ITGB7: variants seen among roughly 807,000 people sequenced by gnomAD.
The protein encoded by ITGB7 is integrin beta-7.
ITGB7 carries 55 observed loss-of-function variants against 83.4 expected under a neutral mutation model. The observed-to-expected ratio is 0.66, with a 90% CI of 0.53 to 0.83. The LOEUF is 0.83. ITGB7 is among the 40% of genes least tolerant of loss of function. The pLI is 0.00. For synonymous variants in ITGB7, 454 were observed against 423.6 expected, an observed-to-expected ratio of 1.07 and a Z score of -0.88; for missense variants, 921 against 1,046.7, an observed-to-expected ratio of 0.88 and a Z score of 1.66.
In ITGB7 at chr12:53,193,870, T is replaced by A. The variant is rs753827751; in HGVS notation, c.1340A>T (p.His447Leu). 1.2e-6 allele frequency: 2 copies of A among 1,613,518 alleles called. No individual in the cohort carries two copies. Among genetic ancestry groups the A allele is most frequent in the Admixed American group, 3.3e-5 (2 of 59,886 alleles). Residue 447 changes from histidine to leucine, a missense_variant, in exon 11 of 16, where the codon CAC becomes CTC. Coordinates refer to ENST00000267082, the MANE Select transcript of ITGB7 (RefSeq NM_000889.3). ...CAGGAGATGGGGCTCTGGGAGGCAGTGGGTGGCTTGGAGAGAAACCCAGAA... is the reference window on the plus strand; with the variant it reads ...CAGGAGATGGGGCTCTGGGAGGCAGAGGGTGGCTTGGAGAGAAACCCAGAA... ...VTFWVSLQAT[H>L]CLPEPHLLRL...
intron 6 of ITGB7, 156 bp from the exon 7 acceptor site, chr12:53,196,355 C>A: frequency 2.0e-6 from 2 of 1,023,580 alleles, no homozygotes; most frequent in South Asian, 3.3e-5. Flanking sequence ...TCTCTCCAGC[C>A]CCCTAAAGAA....
chr12:53,196,808 A>G lies in ITGB7; in HGVS notation c.587T>C (p.Phe196Ser), dbSNP rs756443954. The G allele has an allele frequency of 6.3e-7, 1 of 1,596,340 alleles. No individual in the cohort carries two copies. The highest frequency in any genetic ancestry group is 1.1e-5 in the South Asian group (1 of 90,408). The change falls in exon 6 of 16, where the codon TTT becomes TCT. Residue 196 changes from phenylalanine to serine, a missense_variant. By Grantham distance (155) the Phe-to-Ser change is radical. Coordinates refer to ENST00000267082, the MANE Select transcript of ITGB7 (RefSeq NM_000889.3). ...THSVRIGFGSFVDKTVLPFVS... is the reference protein window; with the variant it reads ...THSVRIGFGSSVDKTVLPFVS... The stretch of plus-strand genomic sequence containing the variant: ...AAAGGGCAGCACCGTTTTGTCCACA[A>G]AGGAACCAAAACCTGGGAGAGGAGA...
At chr12:53,193,660 G>T in intron 11 of ITGB7, 48 bp downstream of exon 11, 1 of 1,508,314 alleles carries the variant, frequency 6.6e-7, no homozygotes, top group Non-Finnish European at 9.1e-7. Context: ...GGCCAGGGTT[G>T]GTTGGTTGTT....
In ITGB7 at chr12:53,192,956, CAGTT is replaced by C. The variant is rs772016563; in HGVS notation, c.1727-50_1727-47del. 2.0e-5 allele frequency: 31 copies of C among 1,577,448 alleles called. No individual in the cohort carries two copies. In the Admixed American group the frequency reaches 2.5e-4, roughly 13 times the overall value. ...GGGTGACAACCATACTCCACACACACAGTTGGCCATCATGTGGCACGACAAGCCC... is the reference window on the plus strand; with the variant it reads ...GGGTGACAACCATACTCCACACACACGGCCATCATGTGGCACGACAAGCCC... On this transcript the variant is annotated intron_variant, in intron 12 of 15. Transcript: ENST00000267082.
intron 5 of ITGB7, 72 bp from the exon 6 acceptor site, chr12:53,196,892 T>G: frequency 4.0e-6 from 6 of 1,517,078 alleles, no homozygotes; most frequent in African/African-American, 1.4e-5. Flanking sequence ...GAGAGCGCTC[T>G]ATGGGAAGTG....
rs1306710526 is a variant in ITGB7 at position 53,204,974 on chromosome 12, G to A, written c.-127+2228C>T. ...TGAGTAGCTGGGATTACAGGTGTGA[G>A]CCACCACACCCAGCTAATTTTTGTG... is the stretch of plus-strand genomic sequence containing the variant. On this transcript the variant is annotated intron_variant, in intron 1 of 15. Coordinates refer to ENST00000267082, the MANE Select transcript of ITGB7 (RefSeq NM_000889.3). 2.0e-5 allele frequency among the ~76,000 whole-genome samples: 3 copies of A among 151,558 alleles called. No individual in the cohort carries two copies. The East Asian group carries it at 5.8e-4, about 29-fold the overall frequency.
chr12:53,200,316 C>G lies in ITGB7; in HGVS notation c.128G>C (p.Gly43Ala). ...GCAGGAGGGGGCTGGCTGGCAGGAC[C>G]CCAGCATGGACAGGTGAGGATTCCG... ...EWRNPHLSMLGSCQPAPSCQK... is the reference protein window; with the variant it reads ...EWRNPHLSMLASCQPAPSCQK... The change falls in exon 3 of 16, where the codon GGG (glycine) becomes GCG (alanine). Residue 43 changes from glycine to alanine, a missense_variant. Coordinates refer to ENST00000267082, the MANE Select transcript of ITGB7 (RefSeq NM_000889.3). 6.2e-7 allele frequency: 1 copy of G among 1,614,156 alleles called. No homozygotes were observed. Among genetic ancestry groups the G allele is most frequent in the South Asian group, 1.1e-5 (1 of 91,082 alleles).
chr12:53,199,712 A>G (rs1321914055), intron 3 of ITGB7, among the ~76,000 whole-genome samples: 2 of 145,668 alleles, frequency 1.4e-5, no homozygotes, highest in Non-Finnish European at 3.0e-5. Flanking sequence ...ATGTGAGGAC[A>G]CAGCGAGAAG....
chr12:53,202,547 GT>G (rs2120518820), intron 1 of ITGB7, among the ~76,000 whole-genome samples: 1 of 151,800 alleles, frequency 6.6e-6, no homozygotes, highest in East Asian at 2.0e-4. Context: ...TAGAGAGAGG[GT>G]TTGACCACAT....
At chr12:53,204,348 C>T (rs1942386676) in intron 1 of ITGB7, among the ~76,000 whole-genome samples, 1 of 151,376 alleles carries the variant, frequency 6.6e-6, no homozygotes, top group African/African-American at 2.4e-5. Flanking sequence ...CCATTTCATT[C>T]CAGCCTGGGC....
intron 5 of ITGB7, 37 bp downstream of exon 5, chr12:53,197,456 C>T: frequency 6.2e-7 from 1 of 1,612,946 alleles, no homozygotes; most frequent in Non-Finnish European, 8.5e-7. Context: ...GTTGAATAGG[C>T]AAGGGCTAAC....
chr12:53,193,048 G>C, intron 12 of ITGB7, 92 bp downstream of exon 12: 1 of 1,391,176 alleles, frequency 7.2e-7, no homozygotes, highest in Non-Finnish European at 1.0e-6. Flanking sequence ...GGAATCTTTT[G>C]ATATTTGCCT....
intron 7 of ITGB7, 27 bp downstream of exon 7, chr12:53,196,012 GGA>G: frequency 1.2e-6 from 2 of 1,609,200 alleles, no homozygotes; most frequent in Non-Finnish European, 1.7e-6. Flanking sequence ...GCTGAAATGG[GGA>G]GAGGCAGGGT....
In ITGB7 at chr12:53,193,189, G is replaced by A. The variant is rs775039035; in HGVS notation, c.1677C>T (p.Cys559=). Reference sequence around the variant, plus strand: ...GCTCACAGCTGGCATCGTCACACTCGCACAGATGCCCAGAGCTCTGTCCAC... The same window carrying A: ...GCTCACAGCTGGCATCGTCACACTCACACAGATGCCCAGAGCTCTGTCCAC... The part of the protein sequence containing the change: ...SCSGQSSGHL[C]ECDDASCERH... Residue 559 remains cysteine, a synonymous_variant, in exon 12 of 16, where the codon TGC becomes TGT. Transcript: ENST00000267082. 1.4e-5 allele frequency: 22 copies of A among 1,614,040 alleles called. No individual in the cohort carries two copies. Among genetic ancestry groups the A allele is most frequent in the African/African-American group, 2.7e-5 (2 of 75,004 alleles).
chr12:53,200,124 G>A, intron 3 of ITGB7, 119 bp downstream of exon 3: 1 of 851,476 alleles, frequency 1.2e-6, no homozygotes, highest in Middle Eastern at 2.4e-4. Context: ...AGACTGTGGA[G>A]TGTTCCCAGA....
At position 53,196,279 on chromosome 12, in the gene ITGB7, T is replaced by C; in HGVS notation, c.817-80A>G. ...CCCAGCCAGCTCTGTGAGCCAAGAA[T>C]GTGGCCAGCCTCACTCTGAGTCAGC... is the stretch of plus-strand genomic sequence containing the variant. On this transcript the variant is annotated intron_variant, in intron 6 of 15. Transcript: ENST00000267082. 2.0e-6 allele frequency: 3 copies of C among 1,524,208 alleles called. No homozygotes were observed. In the East Asian group the frequency reaches 6.8e-5, roughly 35 times the overall value. 94.4% of individuals were successfully genotyped at this position (1,524,208 alleles called of 1,614,324 possible).
At position 53,192,888 on chromosome 12, in the gene ITGB7, T is replaced by G; in HGVS notation, c.1749A>C (p.Gly583=). The G allele has an allele frequency of 1.2e-6, 2 of 1,614,090 alleles. No individual in the cohort carries two copies. Among genetic ancestry groups the G allele is most frequent in the African/African-American group, 1.3e-5 (1 of 75,030 alleles). The change falls in exon 13 of 16, where the codon GGA becomes GGC. Residue 583 remains glycine, a synonymous_variant. Transcript: ENST00000267082. Reference sequence around the variant, plus strand: ...TGCGGTTGGCATGACAGTGACATACTCCACATTGGCAGCGACCAAAGCCTG... The same window carrying G: ...TGCGGTTGGCATGACAGTGACATACGCCACATTGGCAGCGACCAAAGCCTG... ...LCGGFGRCQC[G]VCHCHANRTG... is the part of the protein sequence containing the mutation.
rs1193005594 is a variant in ITGB7, at chr12:53,193,158, CAT to C, written c.1706_1707del (p.His569ArgfsTer116). On this transcript the variant is annotated frameshift_variant, in exon 12 of 16. Transcript: ENST00000267082. LOFTEE classifies it high-confidence loss of function. ...CECDDASCER[H>X]EGILCGGFGR... Reference sequence around the variant, plus strand: ...CAGGTACCTCCGCAGAGGATGCCCTCATGTCGCTCACAGCTGGCATCGTCACA... The same window carrying C: ...CAGGTACCTCCGCAGAGGATGCCCTCGTCGCTCACAGCTGGCATCGTCACA... 1.2e-6 allele frequency: 2 copies of C among 1,611,926 alleles called. No homozygotes were observed. The highest frequency in any genetic ancestry group is 1.7e-6 in the Non-Finnish European group (2 of 1,178,368).
At chr12:53,197,386 A>C (rs772123393) in intron 5 of ITGB7, 107 bp downstream of exon 5, 10 of 1,318,932 alleles carry the variant, frequency 7.6e-6, no homozygotes, top group Non-Finnish European at 1.1e-5. Context: ...CCTGTCAACA[A>C]CTGGGAGGGC....
Sources: gnomAD v4.1 joint callset for allele counts (sites outside exome capture counted in the v4.1 genomes callset) on GRCh38, gnomAD v4.1.1 for gene constraint, MANE v1.5 for transcripts, NCBI Gene and HGNC (gene_info 2026-07-23, HGNC 2026-07-21) for gene names.